Variants in KCNAB1 observed in about 807,000 individuals in gnomAD.
KCNAB1 encodes the protein potassium voltage-gated channel subfamily A regulatory beta subunit 1.
KCNAB1 carries 35 observed loss-of-function variants against 64.6 expected under a neutral mutation model. The observed-to-expected ratio is 0.54, with a 90% confidence interval of 0.41 to 0.72. KCNAB1 has a LOEUF of 0.72. Among genes scored for constraint, KCNAB1 ranks in the 30% least tolerant of loss-of-function variants. The pLI, the probability that KCNAB1 is intolerant of heterozygous loss-of-function variation, is 0.00. For synonymous variants in KCNAB1, 177 were observed against 183.8 expected (o/e 0.96, Z 0.30); for missense variants, 401 against 512.9 (o/e 0.78, Z 2.11).
chr3:156,174,674 GC>G (rs1481420584), intron 1 of KCNAB1, among the ~76,000 whole-genome samples: 2 of 152,140 alleles, frequency 1.3e-5, no homozygotes, highest in Non-Finnish European at 2.9e-5. Flanking sequence ...ACATCAGTGT[GC>G]CCGAGGTCGA....
intron 1 of KCNAB1, among the ~76,000 whole-genome samples, chr3:156,226,357 A>G (rs896518679): frequency 2.6e-5 from 4 of 152,144 alleles, no homozygotes; most frequent in African/African-American, 9.7e-5. Flanking sequence ...TTGGCTAGCT[A>G]CATGTAGAAG....
chr3:156,504,113 A>G (rs1688751086), intron 8 of KCNAB1, among the ~76,000 whole-genome samples: 1 of 152,070 alleles, frequency 6.6e-6, no homozygotes, highest in African/African-American at 2.4e-5. Context: ...CTCTGCTTCT[A>G]TGAGATCAAC....
At chr3:156,344,039 C>A (rs1021508938) in intron 1 of KCNAB1, among the ~76,000 whole-genome samples, 1 of 152,134 alleles carries the variant, frequency 6.6e-6, no homozygotes, top group Non-Finnish European at 1.5e-5. Context: ...AGTCAGCCTC[C>A]TATCTGATGA....
chr3:156,200,476 C>T (rs1416618885), intron 1 of KCNAB1, among the ~76,000 whole-genome samples: 2 of 152,202 alleles, frequency 1.3e-5, no homozygotes, highest in African/African-American at 4.8e-5. Context: ...TATCTCTAAG[C>T]CCCTGACTGG....
intron 1 of KCNAB1, among the ~76,000 whole-genome samples, chr3:156,207,759 G>A (rs926884776): frequency 2.0e-5 from 3 of 152,150 alleles, no homozygotes; most frequent in African/African-American, 4.8e-5. Context: ...AGGTCTTCCC[G>A]TTGCACAACC....
At chr3:156,158,176 TAAAAAATAA>T (rs1715851352) in intron 1 of KCNAB1, among the ~76,000 whole-genome samples, 1 of 31,348 alleles carries the variant, frequency 3.2e-5, no homozygotes, top group African/African-American at 1.0e-4. Context: ...AAAAAAAAAA[TAAAAAATAA>T]ATAAATAAAT....
intron 1 of KCNAB1, among the ~76,000 whole-genome samples, chr3:156,387,014 C>CTCTCTTTTTTTTTT (rs60888308): frequency 2.8e-4 from 25 of 90,518 alleles, no homozygotes; most frequent in African/African-American, 1.2e-3. Flanking sequence ...TTCTCTCTCT[C>CTCTCTTTTTTTTTT]TTTTTTTTTT....
In KCNAB1 at chr3:156,208,212, T is replaced by C. The variant is rs527702718; in HGVS notation, c.275+87326T>C. On this transcript the variant is annotated intron_variant, in intron 1 of 13. Coordinates refer to ENST00000490337, the MANE Select transcript of KCNAB1 (RefSeq NM_172160.3). ...TAGTTTGGGAAAGGGTGGATCATCA[T>C]GATTTCCCATTCCTGAAGGTTGCCG... 3.3e-5 allele frequency among the ~76,000 whole-genome samples: 5 copies of C among 152,312 alleles called. No individual in the cohort carries two copies. The East Asian group carries it at 7.7e-4, about 24-fold the overall frequency.
chr3:156,466,887 C>A (rs1015099934), intron 7 of KCNAB1, among the ~76,000 whole-genome samples: 2 of 152,014 alleles, frequency 1.3e-5, no homozygotes, highest in African/African-American at 2.4e-5. Flanking sequence ...TACACTTATA[C>A]TTTTTGCAGT....
intron 12 of KCNAB1, among the ~76,000 whole-genome samples, chr3:156,529,856 T>C (rs1296231060): frequency 6.6e-6 from 1 of 152,142 alleles, no homozygotes; most frequent in Non-Finnish European, 1.5e-5. Context: ...TAGCAAGAAG[T>C]TTGCGGTGCT....
intron 1 of KCNAB1, among the ~76,000 whole-genome samples, chr3:156,246,651 C>T (rs1276955414): frequency 7.5e-6 from 1 of 133,114 alleles, no homozygotes. Flanking sequence ...AAAAAAAAAA[C>T]CCAACATTTT....
chr3:156,246,554 G>A (rs933580162), intron 1 of KCNAB1, among the ~76,000 whole-genome samples: 6 of 140,988 alleles, frequency 4.3e-5, no homozygotes, highest in Non-Finnish European at 7.5e-5. Flanking sequence ...AGTGAGCCAA[G>A]ATCATGCTAC....
chr3:156,405,196 G>A (rs748512519), intron 1 of KCNAB1, among the ~76,000 whole-genome samples: 12 of 152,218 alleles, frequency 7.9e-5, no homozygotes, highest in Non-Finnish European at 1.5e-4. Flanking sequence ...TTGGACAAGA[G>A]CCTTTTATCC....
chr3:156,135,872 CT>C (rs1271172325), intron 1 of KCNAB1, among the ~76,000 whole-genome samples: 2 of 152,112 alleles, frequency 1.3e-5, no homozygotes, highest in Non-Finnish European at 2.9e-5. Context: ...ACTTTCAAAA[CT>C]GCTTTCTGAG....
chr3:156,154,984 A>G (rs1715633709), intron 1 of KCNAB1, among the ~76,000 whole-genome samples: 1 of 152,200 alleles, frequency 6.6e-6, no homozygotes, highest in African/African-American at 2.4e-5. Flanking sequence ...TATGGGTTAA[A>G]TATTTTCCCT....
intron 2 of KCNAB1, chr3:156,446,093 G>A (rs1711524961): frequency 6.6e-6 from 1 of 152,260 alleles, no homozygotes; most frequent in East Asian, 1.9e-4. Flanking sequence ...TGGAGTTCTG[G>A]GTCCTGAAAA....
chr3:156,410,544 G>A (rs573359843), intron 1 of KCNAB1, among the ~76,000 whole-genome samples: 1 of 152,264 alleles, frequency 6.6e-6, no homozygotes, highest in Non-Finnish European at 1.5e-5. Flanking sequence ...GTTGTATGGA[G>A]TTTAATAAAT....
At chr3:156,319,771 T>G (rs1045841850) in intron 1 of KCNAB1, among the ~76,000 whole-genome samples, 4 of 152,200 alleles carry the variant, frequency 2.6e-5, no homozygotes, top group African/African-American at 9.6e-5. Context: ...CATCTCCTAT[T>G]GGATATTCTC....
intron 1 of KCNAB1, among the ~76,000 whole-genome samples, chr3:156,349,177 C>T (rs1423659030): frequency 1.3e-5 from 2 of 152,084 alleles, no homozygotes; most frequent in Non-Finnish European, 2.9e-5. Context: ...GATAATCAGT[C>T]TAGAGGAACC....
Sources: gnomAD v4.1 joint callset for allele counts (sites outside exome capture counted in the v4.1 genomes callset) on GRCh38, gnomAD v4.1.1 for gene constraint, MANE v1.5 for transcripts, NCBI Gene and HGNC (gene_info 2026-07-23, HGNC 2026-07-21) for gene names.